HYDIN: variants seen among roughly 807,000 people sequenced by gnomAD.
HYDIN encodes HYDIN axonemal central pair apparatus protein.
A neutral mutation model predicts 403.9 loss-of-function variants in HYDIN; 132 were observed. The observed-to-expected ratio is 0.33, with a 90% CI of 0.28 to 0.38. The LOEUF (loss-of-function observed/expected upper bound fraction) is 0.38. Ranked by LOEUF, HYDIN falls within the 10% of genes least tolerant of loss-of-function variation. HYDIN has a pLI of 1.00. For missense variants in HYDIN, 2,827 were observed against 5,009.5 expected, an observed-to-expected ratio of 0.56 and a Z score of 13.15; for synonymous variants, 1,202 against 1,891.7, an observed-to-expected ratio of 0.64 and a Z score of 9.46.
At chr16:71,070,945 T>C (rs567686333) in intron 13 of HYDIN, among the ~76,000 whole-genome samples, 161 of 151,876 alleles carry the variant, frequency 1.1e-3, no homozygotes, top group African/African-American at 3.7e-3. Context: ...GGAAGATATC[T>C]TTCATGGAAA....
intron 41 of HYDIN, among the ~76,000 whole-genome samples, chr16:70,949,032 A>C (rs2077975649): frequency 6.6e-6 from 1 of 151,078 alleles, no homozygotes; most frequent in African/African-American, 2.4e-5. Context: ...GGCACTACTC[A>C]CAATAGCAAA....
intron 5 of HYDIN, among the ~76,000 whole-genome samples, chr16:71,165,856 T>G (rs991787993): frequency 1.5e-4 from 22 of 146,308 alleles, no homozygotes; most frequent in African/African-American, 5.1e-4. Flanking sequence ...ATTTGGAACC[T>G]GTGGCCAGAG....
At chr16:71,179,469 G>A (rs1034642933) in intron 3 of HYDIN, among the ~76,000 whole-genome samples, 2 of 152,144 alleles carry the variant, frequency 1.3e-5, no homozygotes, top group African/African-American at 4.8e-5. Flanking sequence ...ACTTCTAAAG[G>A]AAATACCAAA....
chr16:71,145,368 C>G (rs2085328594), intron 7 of HYDIN, among the ~76,000 whole-genome samples: 1 of 151,924 alleles, frequency 6.6e-6, no homozygotes, highest in Non-Finnish European at 1.5e-5. Context: ...AATTCTCTTG[C>G]CTCAGCCTCC....
intron 65 of HYDIN, among the ~76,000 whole-genome samples, chr16:70,871,210 T>C (rs984241466): frequency 4.6e-5 from 7 of 151,856 alleles, no homozygotes; most frequent in African/African-American, 1.7e-4. Flanking sequence ...AGGGTCCTAA[T>C]GAACTTTACA....
At chr16:71,223,839 G>A (rs1006474932) in intron 1 of HYDIN, among the ~76,000 whole-genome samples, 1 of 152,126 alleles carries the variant, frequency 6.6e-6, no homozygotes, top group Non-Finnish European at 1.5e-5. Context: ...GATGTTGGTT[G>A]GGATGTGGTG....
chr16:70,874,844 T>C lies in HYDIN; in HGVS notation c.10633A>G (p.Thr3545Ala), dbSNP rs751777788. 1.2e-6 allele frequency: 2 copies of C among 1,613,702 alleles called. No individual in the cohort carries two copies. The highest frequency in any genetic ancestry group is 1.7e-6 in the Non-Finnish European group (2 of 1,179,866). ...TTTACATGTGGTTTATTTTCCTCTG[T>C]GATGTAGATATACGCGGTGGTGGGC... is the stretch of plus-strand genomic sequence containing the variant. Reference protein sequence around the residue: ...GRPTTAYIYITEENKPHVKAK... With the variant: ...GRPTTAYIYIAEENKPHVKAK... The change falls in exon 63 of 86, where the codon ACA (threonine) becomes GCA (alanine). Residue 3545 changes from threonine to alanine, a missense_variant. Coordinates refer to ENST00000393567, the MANE Select transcript of HYDIN (RefSeq NM_001270974.2).
rs781709661 is a variant in HYDIN at position 70,985,194 on chromosome 16, C to A, written c.4323G>T (p.Leu1441=). The change falls in exon 28 of 86, where the codon CTG becomes CTT. Residue 1441 remains leucine, a synonymous_variant. Coordinates refer to ENST00000393567, the MANE Select transcript of HYDIN (RefSeq NM_001270974.2). ...CCCACCATTTACTTACAGACACAGG[C>A]AGGATTAGTGGCACTCCAGGGAGAA... The part of the protein sequence containing the change: ...DNLLPGVPLI[L]PVSGFISSHQ... 1.9e-5 allele frequency: 31 copies of A among 1,609,926 alleles called. No individual in the cohort carries two copies. In the Admixed American group the frequency reaches 5.0e-4, roughly 26 times the overall value.
chr16:71,180,641 T>C (rs1158678847), intron 3 of HYDIN, among the ~76,000 whole-genome samples: 2 of 150,942 alleles, frequency 1.3e-5, no homozygotes, highest in East Asian at 1.9e-4. Context: ...GAAAAAAAAT[T>C]TGCAAACTGA....
At chr16:70,936,151 GCC>G in intron 44 of HYDIN, 37 bp from the exon 45 acceptor site, 3 of 1,137,582 alleles carry the variant, frequency 2.6e-6, no homozygotes, top group Non-Finnish European at 2.6e-6. Flanking sequence ...CAGTTCAGGG[GCC>G]CCCATGCCTC....
At chr16:70,910,873 A>AT in intron 47 of HYDIN, among the ~76,000 whole-genome samples, 1 of 16,390 alleles carries the variant, frequency 6.1e-5, no homozygotes, top group South Asian at 1.4e-3. Context: ...GATGTTGAGC[A>AT]TTTTTTCATA....
chr16:70,888,363 G>A (rs2041270495), intron 58 of HYDIN, among the ~76,000 whole-genome samples: 1 of 152,166 alleles, frequency 6.6e-6, no homozygotes, highest in Admixed American at 6.5e-5. Flanking sequence ...TTTTGGCACT[G>A]CCCTGGCAGG....
At chr16:70,940,496 A>T (rs2077636688) in intron 43 of HYDIN, among the ~76,000 whole-genome samples, 1 of 151,912 alleles carries the variant, frequency 6.6e-6, no homozygotes, top group Non-Finnish European at 1.5e-5. Flanking sequence ...GTGTGACCGT[A>T]TACCATCTTA....
At chr16:71,220,423 C>A (rs1329776975) in intron 1 of HYDIN, among the ~76,000 whole-genome samples, 1 of 152,134 alleles carries the variant, frequency 6.6e-6, no homozygotes, top group Non-Finnish European at 1.5e-5. Context: ...AAATGAAATA[C>A]CAACTTACAA....
chr16:71,173,537 T>C (rs1474403658), intron 5 of HYDIN, among the ~76,000 whole-genome samples: 5 of 152,204 alleles, frequency 3.3e-5, no homozygotes, highest in African/African-American at 9.7e-5. Context: ...TAGCTTTTGA[T>C]TATGGAAAAT....
chr16:70,896,507 C>A (rs1356409406), intron 53 of HYDIN, among the ~76,000 whole-genome samples: 2 of 151,982 alleles, frequency 1.3e-5, no homozygotes, highest in South Asian at 2.1e-4. Context: ...AGTGCATCAT[C>A]ATGCTTGGCT....
At chr16:71,039,536 C>T (rs1347526421) in intron 18 of HYDIN, among the ~76,000 whole-genome samples, 1 of 152,156 alleles carries the variant, frequency 6.6e-6, no homozygotes. Context: ...CATGGCCCCA[C>T]CCCATGCCCC....
At chr16:71,171,236 CT>C (rs2086450742) in intron 5 of HYDIN, among the ~76,000 whole-genome samples, 1 of 152,168 alleles carries the variant, frequency 6.6e-6, no homozygotes, top group Admixed American at 6.5e-5. Context: ...ATTTGCACGG[CT>C]TAAATTAGTT....
intron 50 of HYDIN, 77 bp from the exon 51 acceptor site, chr16:70,904,141 A>C (rs1199231984): frequency 1.3e-6 from 1 of 787,820 alleles, no homozygotes; most frequent in East Asian, 2.6e-5. Flanking sequence ...CTGTGATGAG[A>C]AAGGCAATTC....
Sources: allele counts gnomAD v4.1 joint callset (sites outside exome capture counted in the v4.1 genomes callset), GRCh38; gene constraint gnomAD v4.1.1; transcripts MANE v1.5; gene names NCBI Gene and HGNC (gene_info 2026-07-23, HGNC 2026-07-21).